GPR101: variants seen among roughly 807,000 people sequenced by gnomAD.
GPR101 encodes probable G protein-coupled receptor 101.
GPR101 carries 8 observed loss-of-function variants against 16.4 expected under a neutral mutation model. The observed-to-expected ratio is 0.49, with a 90% CI of 0.29 to 0.88. GPR101 has a LOEUF of 0.88. Among genes scored for constraint, GPR101 ranks in the 40% least tolerant of loss-of-function variants. The pLI is 0.09. For missense variants in GPR101, 375 were observed against 411.7 expected, an observed-to-expected ratio of 0.91 and a Z score of 0.77; for synonymous variants, 155 against 168.7, an observed-to-expected ratio of 0.92 and a Z score of 0.63.
chrX:137,030,468 T>C lies in GPR101; in HGVS notation c.1207A>G (p.Ile403Val). ...YQCKAAKVIF[I>V]IIFSYVLSLG... ...GATAGCACATAGGAGAAAATGATGA[T>C]GAAGATCACTTTAGCAGCTTTGCAC... Residue 403 changes from isoleucine to valine, a missense_variant, in exon 2 of 2, where the codon ATC becomes GTC. Coordinates refer to ENST00000651716, the MANE Select transcript of GPR101 (RefSeq NM_054021.2). 8.3e-7 allele frequency: 1 copy of C among 1,211,243 alleles called. No individual in the cohort carries two copies. The highest frequency in any genetic ancestry group is 1.8e-5 in the South Asian group (1 of 56,870).
chrX:137,031,727 G>C lies in GPR101; in HGVS notation c.-53C>G, dbSNP rs1316029348. The C allele has an allele frequency of 9.8e-7, 1 of 1,017,706 alleles. No homozygotes were observed. Among genetic ancestry groups the C allele is most frequent in the Non-Finnish European group, 1.3e-6 (1 of 748,681 alleles). The allele number at this position is 1,017,706 out of a possible 1,213,427, so 83.9% of individuals were successfully genotyped here. On this transcript the variant is annotated 5_prime_UTR_variant, in exon 2 of 2. Transcript: ENST00000651716. ...TTGCAGGCTCAGTGCCGGCACCGGT[G>C]GGTGGCAAAGGGGTGCACAGACCGC...
Position 137,031,326 on chromosome X carries a change from C to A in GPR101, c.349G>T (p.Ala117Ser), listed in dbSNP as rs1346537220. ...LVSLTHLFAF[A>S]SVNTIVVVSV... ...ACCACGACAATGGTGTTGACGCTGG[C>A]GAAGGCGAACAGGTGGGTGAGGCTA... Residue 117 changes from alanine (A) to serine (S), a missense_variant, in exon 2 of 2, where the codon GCC (alanine) becomes TCC (serine). By Grantham distance (99) the Ala-to-Ser change is moderately conservative. Transcript: ENST00000651716. 8.3e-7 allele frequency: 1 copy of A among 1,204,243 alleles called. No homozygotes were observed. The highest frequency in any genetic ancestry group is 2.2e-5 in the Admixed American group (1 of 45,706).
At position 137,029,065 on chromosome X, in the gene GPR101, A is replaced by C. The variant is rs1353582795; in HGVS notation, c.*1083T>G. On this transcript the variant is annotated 3_prime_UTR_variant, in exon 2 of 2. Transcript: ENST00000651716. ...TCTGCCTTCCTTGCTCCCCATGTGG[A>C]GATCACATTTATTGTCTATGATCTC... Among the ~76,000 whole-genome samples, 2 of 112,405 alleles carry C rather than the reference A, an allele frequency of 1.8e-5. No individual in the cohort carries two copies. The highest frequency in any genetic ancestry group is 6.5e-5 in the African/African-American group (2 of 30,919).
intron 1 of GPR101, among the ~76,000 whole-genome samples, 81 bp downstream of exon 1, chrX:137,033,721 G>C (rs1006229807): frequency 1.8e-5 from 2 of 112,531 alleles, no homozygotes; most frequent in African/African-American, 3.2e-5. Flanking sequence ...ACGCTTCAGA[G>C]GGGGCGTCGT....
In GPR101 at chrX:137,031,388, A is replaced by G. The variant is rs779889083; in HGVS notation, c.287T>C (p.Phe96Ser). 5.9e-6 allele frequency: 7 copies of G among 1,191,943 alleles called. No individual in the cohort carries two copies. The East Asian group carries it at 2.1e-4, about 35-fold the overall frequency. ...PWVVATSVPL[F>S]WPLNSHFCTA... ...GCAGAAGTGGCTGTTGAGGGGCCAG[A>G]AGAGAGGCACAGAGGTGGCCACCAC... The change falls in exon 2 of 2, where the codon TTC (phenylalanine) becomes TCC (serine). Residue 96 changes from phenylalanine to serine, a missense_variant. Phe to Ser is a radical substitution (Grantham distance 155). Coordinates refer to ENST00000651716, the MANE Select transcript of GPR101 (RefSeq NM_054021.2).
rs1357769333 is a variant in GPR101 at position 137,028,043 on chromosome X, T to C, written c.*2105A>G. 8.9e-6 allele frequency among the ~76,000 whole-genome samples: 1 copy of C among 112,405 alleles called. No homozygotes were observed. Among genetic ancestry groups the C allele is most frequent in the Non-Finnish European group, 1.9e-5 (1 of 53,303 alleles). ...CACATAGGCCATTTCTTCACCCAGA[T>C]ATCCTTTAAGGAAAGGTCAGTTCAA... On this transcript the variant is annotated 3_prime_UTR_variant, in exon 2 of 2. Transcript: ENST00000651716.
rs1178843692 is a variant in GPR101 at position 137,028,410 on chromosome X, A to G, written c.*1738T>C. Among the ~76,000 whole-genome samples, 1 of 112,241 alleles carries G rather than the reference A, an allele frequency of 8.9e-6. No individual in the cohort carries two copies. Among genetic ancestry groups the G allele is most frequent in the East Asian group, 2.8e-4 (1 of 3,599 alleles). On this transcript the variant is annotated 3_prime_UTR_variant, in exon 2 of 2. Transcript: ENST00000651716. ...CTGTGAGGAGGAAGAGATAAAAAAA[A>G]ATAAATGAGCTGGGCATTTATTTAA...
At position 137,033,860 on chromosome X, in the gene GPR101, C is replaced by A. The variant is rs756958408; in HGVS notation, c.-151G>T. 1.0e-3 allele frequency among the ~76,000 whole-genome samples: 114 copies of A among 112,173 alleles called. 2 individuals carry two copies. Among genetic ancestry groups the A allele is most frequent in the African/African-American group, 3.5e-3 (109 of 31,042 alleles). On this transcript the variant is annotated 5_prime_UTR_variant, in exon 1 of 2. Transcript: ENST00000651716. ...CGCGTGCAGGTCCTTCGGGGCTCCT[C>A]GCGCTCGTCCCGGCCGCCTCTCGGG...
At position 137,031,176 on chromosome X, in the gene GPR101, G is replaced by A; in HGVS notation, c.499C>T (p.Leu167Phe). 1 of 1,212,113 alleles carries A rather than the reference G, an allele frequency of 8.3e-7. No homozygotes were observed. The highest frequency in any genetic ancestry group is 1.8e-5 in the South Asian group (1 of 56,963). The change falls in exon 2 of 2, where the codon CTC becomes TTC. Residue 167 changes from leucine to phenylalanine, a missense_variant. By Grantham distance (22) the Leu-to-Phe change is conservative (BLOSUM62 0). Coordinates refer to ENST00000651716, the MANE Select transcript of GPR101 (RefSeq NM_054021.2). ...AAGGCAGCCTGGCCCCAGCCGTAGAGTGGAGGAGTGCTCTGCAGGATGGCC... is the reference window on the plus strand; with the variant it reads ...AAGGCAGCCTGGCCCCAGCCGTAGAATGGAGGAGTGCTCTGCAGGATGGCC... ...IVAILQSTPPLYGWGQAAFDE... is the reference protein window; with the variant it reads ...IVAILQSTPPFYGWGQAAFDE...
At chrX:137,033,361 T>C (rs192430161) in intron 1 of GPR101, among the ~76,000 whole-genome samples, 2 of 105,371 alleles carry the variant, frequency 1.9e-5, no homozygotes, top group East Asian at 3.0e-4. Context: ...AAAAAGGAAA[T>C]GAGAGACAGC....
Position 137,031,692 on chromosome X carries a change from G to T in GPR101, c.-18C>A, listed in dbSNP as rs764523930. On this transcript the variant is annotated 5_prime_UTR_variant, in exon 2 of 2. Transcript: ENST00000651716. ...GACGTCATGGCAACAGCCAGAGGGC[G>T]TGAGACAGGTTGCAGGCTCAGTGCC... 1.5e-5 allele frequency: 17 copies of T among 1,160,686 alleles called. No homozygotes were observed. The Admixed American group carries it at 4.1e-4, about 28-fold the overall frequency.
intron 1 of GPR101, among the ~76,000 whole-genome samples, chrX:137,033,026 C>T (rs1927297343): frequency 9.0e-6 from 1 of 111,399 alleles, no homozygotes; most frequent in Non-Finnish European, 1.9e-5. Context: ...ATCTCTGTCT[C>T]CCTGTGGACT....
rs1056154091 is a variant in GPR101, at chrX:137,027,454, C to T, written c.*2694G>A. 9.0e-5 allele frequency among the ~76,000 whole-genome samples: 10 copies of T among 110,664 alleles called. No homozygotes were observed. Among genetic ancestry groups the T allele is most frequent in the Non-Finnish European group, 1.5e-4 (8 of 52,933 alleles). ...TTTTCAAATGACAAAACAGTATGTG[C>T]AGTAAAACCTCATTAAGTTGATAGT... On this transcript the variant is annotated 3_prime_UTR_variant, in exon 2 of 2. Coordinates refer to ENST00000651716, the MANE Select transcript of GPR101 (RefSeq NM_054021.2).
rs898746196 is a variant in GPR101 at position 137,024,847 on chromosome X, G to A, written c.*5301C>T. Among the ~76,000 whole-genome samples, 1 of 112,001 alleles carries A rather than the reference G, an allele frequency of 8.9e-6. No homozygotes were observed. Among genetic ancestry groups the A allele is most frequent in the African/African-American group, 3.2e-5 (1 of 30,793 alleles). Reference sequence around the variant, plus strand: ...CCAAGCGCGAAACCTGTCAGTTCACGGTCAGGTGTTGGTTGGGTCTTCAGG... The same window carrying A: ...CCAAGCGCGAAACCTGTCAGTTCACAGTCAGGTGTTGGTTGGGTCTTCAGG... On this transcript the variant is annotated 3_prime_UTR_variant, in exon 2 of 2. Transcript: ENST00000651716.
In GPR101 at chrX:137,026,863, C is replaced by G. The variant is rs1292494262; in HGVS notation, c.*3285G>C. 9.0e-6 allele frequency among the ~76,000 whole-genome samples: 1 copy of G among 110,751 alleles called. No homozygotes were observed. Among genetic ancestry groups the G allele is most frequent in the Non-Finnish European group, 1.9e-5 (1 of 52,972 alleles). On this transcript the variant is annotated 3_prime_UTR_variant, in exon 2 of 2. Transcript: ENST00000651716. ...TTCTCTCCTTCCCTGCTTCCATAGG[C>G]CCCCAGGTCCCTGTGAATCTGTCAG...
rs758687879 is a variant in GPR101, at chrX:137,031,357, G to A, written c.318C>T (p.Ala106=). Residue 106 remains alanine, a synonymous_variant, in exon 2 of 2, where the codon GCC becomes GCT. Transcript: ENST00000651716. The part of the protein sequence containing the change: ...FWPLNSHFCT[A]LVSLTHLFAF... ...CGAACAGGTGGGTGAGGCTAACCAGGGCCGTGCAGAAGTGGCTGTTGAGGG... is the reference window on the plus strand; with the variant it reads ...CGAACAGGTGGGTGAGGCTAACCAGAGCCGTGCAGAAGTGGCTGTTGAGGG... The A allele has an allele frequency of 8.4e-7, 1 of 1,197,123 alleles. No individual in the cohort carries two copies. Among genetic ancestry groups the A allele is most frequent in the Admixed American group, 2.2e-5 (1 of 45,225 alleles).
In GPR101 at chrX:137,031,580, A is replaced by G; in HGVS notation, c.95T>C (p.Ile32Thr). The change falls in exon 2 of 2, where the codon ATC becomes ACC. Residue 32 changes from isoleucine to threonine, a missense_variant. Physicochemically the swap from Ile to Thr is moderately conservative, Grantham distance 89 (BLOSUM62 -1). Transcript: ENST00000651716. ...SKMPISLAHG[I>T]IRSTVLVIFL... is the part of the protein sequence containing the mutation. ...GATAACCAGCACGGTTGAGCGGATGATGCCGTGGGCCAGGCTGATGGGCAT... is the reference window on the plus strand; with the variant it reads ...GATAACCAGCACGGTTGAGCGGATGGTGCCGTGGGCCAGGCTGATGGGCAT... The G allele has an allele frequency of 8.3e-7, 1 of 1,211,464 alleles. No homozygotes were observed. Among genetic ancestry groups the G allele is most frequent in the South Asian group, 1.8e-5 (1 of 56,905 alleles).
At chrX:137,031,998 G>C (rs986550698) in intron 1 of GPR101, among the ~76,000 whole-genome samples, 4 of 110,950 alleles carry the variant, frequency 3.6e-5, no homozygotes, top group African/African-American at 1.3e-4. Context: ...GCGTGCGTGC[G>C]CTTTCTCTGC....
At chrX:137,033,596 A>G (rs1308706401) in intron 1 of GPR101, among the ~76,000 whole-genome samples, 1 of 110,688 alleles carries the variant, frequency 9.0e-6, no homozygotes, top group East Asian at 2.9e-4. Context: ...GAAGGGGGAA[A>G]AGAACGCACG....
Sources: gnomAD v4.1 joint callset for allele counts (sites outside exome capture counted in the v4.1 genomes callset) on GRCh38, gnomAD v4.1.1 for gene constraint, MANE v1.5 for transcripts, NCBI Gene and HGNC (gene_info 2026-07-23, HGNC 2026-07-21) for gene names.